The following KIF16B variants were observed in gnomAD, a reference collection of about 807,000 sequenced individuals.
KIF16B encodes kinesin-like protein KIF16B.
KIF16B carries 98 observed loss-of-function variants against 156.3 expected under a neutral mutation model. The observed-to-expected ratio is 0.63, with a 90% CI of 0.53 to 0.74. The LOEUF (loss-of-function observed/expected upper bound fraction) is 0.74, where lower values mean the gene tolerates loss of function less well. Ranked by LOEUF, KIF16B falls within the 30% of genes least tolerant of loss-of-function variation. The pLI is 0.00. For synonymous variants in KIF16B, 564 were observed against 583.7 expected, an observed-to-expected ratio of 0.97 and a Z score of 0.49; for missense variants, 1,421 against 1,606.5, an observed-to-expected ratio of 0.88 and a Z score of 1.97.
chr20:16,526,123 G>T lies in KIF16B; in HGVS notation c.200C>A (p.Thr67Lys). The T allele has an allele frequency of 6.2e-7, 1 of 1,602,634 alleles. No individual in the cohort carries two copies. The highest frequency in any genetic ancestry group is 8.5e-7 in the Non-Finnish European group (1 of 1,173,476). The change falls in exon 3 of 26, where the codon ACA (threonine) becomes AAA (lysine). Residue 67 changes from threonine (T) to lysine (K), a missense_variant. Physicochemically the swap from Thr to Lys is moderately conservative, Grantham distance 78 (BLOSUM62 -1). Transcript: ENST00000354981. ...TYDFSFYSAD[T>K]KSPDYVSQEM... ...TTGTGAAACGTAATCTGGGCTTTTT[G>T]TATCAGCAGAATAAAAAGAAAAGTC...
At chr20:16,401,205 G>A (rs902568619) in intron 17 of KIF16B, among the ~76,000 whole-genome samples, 21 of 152,182 alleles carry the variant, frequency 1.4e-4, no homozygotes, top group South Asian at 2.1e-4. Flanking sequence ...TAATGGTAGC[G>A]TCAGATGCAT....
Position 16,516,961 on chromosome 20 carries a change from C to A in KIF16B, c.232-1297G>T, listed in dbSNP as rs539988053. Reference sequence around the variant, plus strand: ...CAGTCAGCACAGGCAGTACAGGGACCCTGCATGGAAGCCAGATTCCCATTA... The same window carrying A: ...CAGTCAGCACAGGCAGTACAGGGACACTGCATGGAAGCCAGATTCCCATTA... On this transcript the variant is annotated intron_variant, in intron 3 of 25. Coordinates refer to ENST00000354981, the MANE Select transcript of KIF16B (RefSeq NM_024704.5). 3.4e-4 allele frequency among the ~76,000 whole-genome samples: 52 copies of A among 152,264 alleles called. No individual in the cohort carries two copies. The South Asian group carries it at 0.01, about 30-fold the overall frequency.
intron 23 of KIF16B, among the ~76,000 whole-genome samples, chr20:16,348,382 A>C (rs974145347): frequency 2.6e-5 from 4 of 152,256 alleles, no homozygotes; most frequent in African/African-American, 9.6e-5. Context: ...GCCTTGGGCA[A>C]GTCATTCATA....
At chr20:16,476,067 G>A (rs972364521) in intron 12 of KIF16B, among the ~76,000 whole-genome samples, 5 of 152,166 alleles carry the variant, frequency 3.3e-5, no homozygotes, top group Non-Finnish European at 4.4e-5. Flanking sequence ...ATTGACAGTG[G>A]TATCTGTCAC....
rs73898791 is a variant in KIF16B at position 16,487,806 on chromosome 20, G to A, written c.1302+6485C>T. Among the ~76,000 whole-genome samples, 876 of 152,150 alleles carry A rather than the reference G, an allele frequency of 5.8e-3. 8 individuals carry two copies. The highest frequency in any genetic ancestry group is 0.024 in the South Asian group (116 of 4,806). On this transcript the variant is annotated intron_variant, in intron 12 of 25. Transcript: ENST00000354981. ...TCCCCCAGAGAAGGAATATCAAGAC[G>A]CCAGCTCAATTTAAACTTCAGTCAT...
intron 12 of KIF16B, among the ~76,000 whole-genome samples, chr20:16,481,472 T>C (rs994487035): frequency 6.6e-6 from 1 of 152,164 alleles, no homozygotes; most frequent in Non-Finnish European, 1.5e-5. Flanking sequence ...ATTAAAGGCG[T>C]GAGCTACCAC....
At chr20:16,420,749 G>C (rs933148721) in intron 15 of KIF16B, among the ~76,000 whole-genome samples, 35 of 152,068 alleles carry the variant, frequency 2.3e-4, no homozygotes, top group African/African-American at 7.2e-4. Flanking sequence ...GCCAAATACA[G>C]TGAGGTCCAT....
chr20:16,535,733 A>G (rs1257493133), intron 1 of KIF16B, among the ~76,000 whole-genome samples: 3 of 144,952 alleles, frequency 2.1e-5, no homozygotes, highest in Admixed American at 7.0e-5. Context: ...CAACAGATAT[A>G]TGAAAAAAAT....
In KIF16B at chr20:16,573,347, C is replaced by G. The variant is rs2071528442; in HGVS notation, c.-72G>C. 6.5e-7 allele frequency: 1 copy of G among 1,535,318 alleles called. No homozygotes were observed. ...CCGCGGTCGCCGGCGACGCTGGCTACTCAGATCGCGGCTCCCGCCCACTTC... is the reference window on the plus strand; with the variant it reads ...CCGCGGTCGCCGGCGACGCTGGCTAGTCAGATCGCGGCTCCCGCCCACTTC... On this transcript the variant is annotated 5_prime_UTR_variant, in exon 1 of 26. Transcript: ENST00000354981.
At chr20:16,481,702 G>A (rs1263140686) in intron 12 of KIF16B, among the ~76,000 whole-genome samples, 8 of 152,168 alleles carry the variant, frequency 5.3e-5, no homozygotes, top group Non-Finnish European at 1.0e-4. Context: ...ACCATCTTTT[G>A]TGATGTCTGT....
intron 19 of KIF16B, among the ~76,000 whole-genome samples, chr20:16,375,692 A>T (rs527611506): frequency 6.6e-6 from 1 of 152,224 alleles, no homozygotes; most frequent in South Asian, 2.1e-4. Context: ...GGCCAAAAAA[A>T]AAAAAAAATG....
intron 11 of KIF16B, among the ~76,000 whole-genome samples, chr20:16,495,479 T>C (rs1335748916): frequency 1.3e-5 from 2 of 152,142 alleles, no homozygotes; most frequent in Non-Finnish European, 2.9e-5. Context: ...CCAAAATATA[T>C]CTCATTCACC....
At chr20:16,291,204 T>C (rs1238087887) in intron 25 of KIF16B, among the ~76,000 whole-genome samples, 1 of 152,206 alleles carries the variant, frequency 6.6e-6, no homozygotes, top group East Asian at 1.9e-4. Flanking sequence ...GTTTACAATA[T>C]CTTCTTTCTT....
intron 25 of KIF16B, among the ~76,000 whole-genome samples, chr20:16,307,266 A>G (rs1378243012): frequency 6.6e-6 from 1 of 152,178 alleles, no homozygotes; most frequent in Non-Finnish European, 1.5e-5. Flanking sequence ...ATTAGTAGAA[A>G]TATTTCCAAG....
intron 20 of KIF16B, among the ~76,000 whole-genome samples, chr20:16,372,445 T>A (rs1036212779): frequency 7.9e-5 from 12 of 152,244 alleles, no homozygotes; most frequent in African/African-American, 2.9e-4. Flanking sequence ...CAGTGTCAAC[T>A]TATTATCTGA....
At chr20:16,293,691 C>T (rs1478288640) in intron 25 of KIF16B, among the ~76,000 whole-genome samples, 3 of 152,156 alleles carry the variant, frequency 2.0e-5, no homozygotes, top group African/African-American at 7.2e-5. Flanking sequence ...CTGACTAGAA[C>T]AGGCAAGAGG....
chr20:16,373,192 G>A (rs943293580), intron 20 of KIF16B, among the ~76,000 whole-genome samples: 2 of 152,102 alleles, frequency 1.3e-5, no homozygotes, highest in Non-Finnish European at 2.9e-5. Flanking sequence ...AAAGCACAAT[G>A]TTTCTGTTTC....
Position 16,566,058 on chromosome 20 carries a change from C to T in KIF16B, c.47+7171G>A, listed in dbSNP as rs183129167. Among the ~76,000 whole-genome samples the T allele has an allele frequency of 1.6e-3, 239 of 152,316 alleles. 2 individuals carry two copies. Among genetic ancestry groups the T allele is most frequent in the East Asian group, 4.2e-3 (22 of 5,194 alleles). ...AGATCGTGGGATTATGAGCAATTTG[C>T]GATTTGATTTCTTCGGTATATTTTT... On this transcript the variant is annotated intron_variant, in intron 1 of 25. Transcript: ENST00000354981.
At chr20:16,436,347 G>T (rs7262082) in intron 12 of KIF16B, among the ~76,000 whole-genome samples, 19,766 of 152,046 alleles carry the variant, frequency 0.13, 1,399 homozygotes, top group Non-Finnish European at 0.17. Flanking sequence ...TTTGTTTGAG[G>T]CCCAGCCCTC....
Sources: allele counts gnomAD v4.1 joint callset (sites outside exome capture counted in the v4.1 genomes callset), GRCh38; gene constraint gnomAD v4.1.1; transcripts MANE v1.5; gene names NCBI Gene and HGNC (gene_info 2026-07-23, HGNC 2026-07-21).